Variants in SH3GL2 observed in about 807,000 individuals in gnomAD.
The protein encoded by SH3GL2 is endophilin-A1.
SH3GL2 carries 24 observed loss-of-function variants against 46.0 expected under a neutral mutation model. The observed-to-expected ratio is 0.52, with a 90% confidence interval of 0.38 to 0.73. SH3GL2 has a LOEUF of 0.73. SH3GL2 is among the 30% of genes least tolerant of loss of function. SH3GL2 has a pLI of 0.00. For synonymous variants in SH3GL2, 196 were observed against 147.1 expected (o/e 1.33, Z -2.40); for missense variants, 413 against 424.2 (o/e 0.97, Z 0.23).
At chr9:17,689,818 GTTCT>G (rs1821025394) in intron 1 of SH3GL2, among the ~76,000 whole-genome samples, 1 of 152,016 alleles carries the variant, frequency 6.6e-6, no homozygotes, top group Admixed American at 6.6e-5. Context: ...CAAAACTTGT[GTTCT>G]TTGTCTTCAT....
At chr9:17,689,726 G>T (rs1588242703) in intron 1 of SH3GL2, among the ~76,000 whole-genome samples, 1 of 151,960 alleles carries the variant, frequency 6.6e-6, no homozygotes, top group East Asian at 1.9e-4. Context: ...TTTCATTTAG[G>T]TCTTTGGGCA....
chr9:17,785,031 A>T (rs556520807), intron 3 of SH3GL2, among the ~76,000 whole-genome samples: 7 of 152,284 alleles, frequency 4.6e-5, no homozygotes, highest in Admixed American at 2.0e-4. Flanking sequence ...CTATTTTTCA[A>T]ACTTAACATA....
intron 1 of SH3GL2, among the ~76,000 whole-genome samples, chr9:17,583,998 G>A (rs1011621324): frequency 6.6e-6 from 1 of 152,032 alleles, no homozygotes; most frequent in Non-Finnish European, 1.5e-5. Flanking sequence ...TTAAAATCTT[G>A]GCTGTGGCTT....
At chr9:17,608,233 T>C (rs760525420) in intron 1 of SH3GL2, among the ~76,000 whole-genome samples, 23 of 148,438 alleles carry the variant, frequency 1.5e-4, no homozygotes, top group Non-Finnish European at 2.2e-4. Context: ...CTGCAAGCTC[T>C]GCCTCCCAGG....
At chr9:17,758,590 A>AAAAAAAAAAAAAAC in intron 2 of SH3GL2, among the ~76,000 whole-genome samples, 1 of 147,008 alleles carries the variant, frequency 6.8e-6, no homozygotes, top group Non-Finnish European at 1.5e-5. Context: ...AAAAAAAAAA[A>AAAAAAAAAAAAAAC]AAAAATTGCA....
chr9:17,679,158 A>G (rs1321538749), intron 1 of SH3GL2, among the ~76,000 whole-genome samples: 1 of 152,208 alleles, frequency 6.6e-6, no homozygotes, highest in South Asian at 2.1e-4. Context: ...GTTTTTTCCA[A>G]TTCTGTGAAG....
chr9:17,715,590 C>A (rs1214641760), intron 1 of SH3GL2, among the ~76,000 whole-genome samples: 2 of 151,882 alleles, frequency 1.3e-5, no homozygotes, highest in South Asian at 4.2e-4. Flanking sequence ...TCCTGCAAGA[C>A]CTCCCGTGGT....
chr9:17,642,852 A>G (rs550827362), intron 1 of SH3GL2, among the ~76,000 whole-genome samples: 1 of 152,274 alleles, frequency 6.6e-6, no homozygotes, highest in Non-Finnish European at 1.5e-5. Context: ...GTTCCATATG[A>G]CATTTAAAGT....
At position 17,781,847 on chromosome 9, in the gene SH3GL2, C is replaced by G. The variant is rs140503967; in HGVS notation, c.188-4534C>G. On this transcript the variant is annotated intron_variant, in intron 3 of 8. Coordinates refer to ENST00000380607, the MANE Select transcript of SH3GL2 (RefSeq NM_003026.5). The stretch of plus-strand genomic sequence containing the variant: ...AGCATCATCTGTTCATTAGCCTTCC[C>G]AGCCTTACTCTTTCAGGTGGAATTT... Among the ~76,000 whole-genome samples, 358 of 151,960 alleles carry G rather than the reference C, an allele frequency of 2.4e-3. 2 individuals are homozygous for G. The highest frequency in any genetic ancestry group is 8.3e-3 in the African/African-American group (343 of 41,538).
intron 1 of SH3GL2, among the ~76,000 whole-genome samples, chr9:17,682,330 C>T (rs901447581): frequency 1.4e-4 from 22 of 152,110 alleles, no homozygotes; most frequent in Non-Finnish European, 3.2e-4. Flanking sequence ...CAGTGGTAGA[C>T]TGGATAAAGC....
chr9:17,701,293 G>A (rs1821338258), intron 1 of SH3GL2, among the ~76,000 whole-genome samples: 1 of 152,106 alleles, frequency 6.6e-6, no homozygotes, highest in Non-Finnish European at 1.5e-5. Flanking sequence ...AAACAAAAAT[G>A]TTTTCATTCA....
At chr9:17,675,781 C>G (rs901301204) in intron 1 of SH3GL2, among the ~76,000 whole-genome samples, 2 of 152,108 alleles carry the variant, frequency 1.3e-5, no homozygotes, top group Admixed American at 6.5e-5. Flanking sequence ...CCTGTGTCTA[C>G]TAAAAATACA....
chr9:17,680,716 G>C (rs1033526849), intron 1 of SH3GL2, among the ~76,000 whole-genome samples: 2 of 152,020 alleles, frequency 1.3e-5, no homozygotes, highest in Non-Finnish European at 2.9e-5. Flanking sequence ...TTTTAATTGT[G>C]ATGTTAGGGT....
At chr9:17,755,724 T>A (rs1424168807) in intron 2 of SH3GL2, 1 of 949,524 alleles carries the variant, frequency 1.1e-6, no homozygotes, top group East Asian at 1.2e-4. Context: ...TATCTAATAG[T>A]ATGAAATCAT....
intron 2 of SH3GL2, among the ~76,000 whole-genome samples, chr9:17,756,002 C>G (rs1227670352): frequency 6.6e-6 from 1 of 151,958 alleles, no homozygotes; most frequent in Non-Finnish European, 1.5e-5. Flanking sequence ...GCACAGGAAT[C>G]AAGATTTTTT....
chr9:17,785,833 G>T (rs1375843430), intron 3 of SH3GL2, among the ~76,000 whole-genome samples: 2 of 152,110 alleles, frequency 1.3e-5, no homozygotes, highest in African/African-American at 4.8e-5. Flanking sequence ...TCATGGGTCT[G>T]TTTACCATCA....
At chr9:17,726,069 C>T (rs1822013554) in intron 1 of SH3GL2, among the ~76,000 whole-genome samples, 1 of 152,154 alleles carries the variant, frequency 6.6e-6, no homozygotes, top group South Asian at 2.1e-4. Flanking sequence ...GATGTTTCTT[C>T]ACTTGCTGTA....
At chr9:17,695,574 A>G (rs1821182105) in intron 1 of SH3GL2, among the ~76,000 whole-genome samples, 1 of 151,934 alleles carries the variant, frequency 6.6e-6, no homozygotes, top group South Asian at 2.1e-4. Context: ...ACCAGGAGGT[A>G]TCTGCACTCC....
At chr9:17,709,178 C>T (rs1821553482) in intron 1 of SH3GL2, among the ~76,000 whole-genome samples, 1 of 151,994 alleles carries the variant, frequency 6.6e-6, no homozygotes, top group Admixed American at 6.6e-5. Flanking sequence ...CCAGGGCTTG[C>T]TTATTTGGGG....
Sources: gnomAD v4.1 joint callset for allele counts (sites outside exome capture counted in the v4.1 genomes callset) on GRCh38, gnomAD v4.1.1 for gene constraint, MANE v1.5 for transcripts, NCBI Gene and HGNC (gene_info 2026-07-23, HGNC 2026-07-21) for gene names.